Variants in NRG3 observed in about 807,000 individuals in gnomAD.
The protein encoded by NRG3 is neuregulin 3.
A neutral mutation model predicts 66.9 loss-of-function variants in NRG3; 31 were observed. The observed-to-expected ratio is 0.46, with a 90% CI of 0.35 to 0.63. The LOEUF (loss-of-function observed/expected upper bound fraction) is 0.63. NRG3 is among the 20% of genes least tolerant of loss of function. NRG3 has a pLI of 0.00. For synonymous variants in NRG3, 393 were observed against 359.4 expected (o/e 1.09, Z -1.06); for missense variants, 910 against 878.9 (o/e 1.04, Z -0.45).
At chr10:82,620,219 CG>C (rs2048949950) in intron 2 of NRG3, among the ~76,000 whole-genome samples, 1 of 152,146 alleles carries the variant, frequency 6.6e-6, no homozygotes, top group Non-Finnish European at 1.5e-5. Flanking sequence ...CTTGCCTTGT[CG>C]CGTGGGGCTG....
chr10:82,648,655 A>T (rs2051158221), intron 2 of NRG3, among the ~76,000 whole-genome samples: 1 of 152,112 alleles, frequency 6.6e-6, no homozygotes, highest in Non-Finnish European at 1.5e-5. Flanking sequence ...ATGTTCTTCC[A>T]TTTGTTTGTA....
At chr10:82,592,659 C>T (rs1443954964) in intron 2 of NRG3, among the ~76,000 whole-genome samples, 1 of 152,144 alleles carries the variant, frequency 6.6e-6, no homozygotes, top group African/African-American at 2.4e-5. Flanking sequence ...TGCCCACATT[C>T]AATGAAAATG....
rs147730298 is a variant in NRG3, at chr10:82,307,080, CAT to C, written c.824-51656_824-51655del. On this transcript the variant is annotated intron_variant, in intron 1 of 8. Transcript: ENST00000372141. ...TTTTGAAGAATACTCTGTGCATTTT[CAT>C]ATGTTTTGGGTGCTATTGTCAATTT... is the stretch of plus-strand genomic sequence containing the variant. 2.2e-4 allele frequency among the ~76,000 whole-genome samples: 33 copies of C among 152,058 alleles called. 1 individual carries two copies. In the East Asian group the frequency reaches 5.8e-3, roughly 27 times the overall value.
In NRG3 at chr10:82,613,105, A is replaced by G. The variant is rs1360678978; in HGVS notation, c.954-125472A>G. On this transcript the variant is annotated intron_variant, in intron 2 of 8. Transcript: ENST00000372141. ...TTACTCAGTAGATTACAAAAAAGAA[A>G]AATCTTGTATCCAATTAGAAATAAA... 3.3e-5 allele frequency among the ~76,000 whole-genome samples: 5 copies of G among 152,304 alleles called. No homozygotes were observed. The East Asian group carries it at 9.6e-4, about 29-fold the overall frequency.
At chr10:82,930,401 A>T (rs1436352361) in intron 4 of NRG3, among the ~76,000 whole-genome samples, 2 of 152,224 alleles carry the variant, frequency 1.3e-5, no homozygotes, top group African/African-American at 2.4e-5. Flanking sequence ...GAGACACTTC[A>T]GGGATAACGA....
At chr10:82,463,267 A>G (rs1429613450) in intron 2 of NRG3, among the ~76,000 whole-genome samples, 2 of 152,214 alleles carry the variant, frequency 1.3e-5, no homozygotes, top group Admixed American at 6.5e-5. Flanking sequence ...GAAGGATCAT[A>G]ATTCATTATA....
At chr10:82,638,822 T>G (rs1403859281) in intron 2 of NRG3, among the ~76,000 whole-genome samples, 3 of 152,064 alleles carry the variant, frequency 2.0e-5, no homozygotes, top group African/African-American at 7.2e-5. Flanking sequence ...AATTTGTGTA[T>G]TTTTAGTAGC....
chr10:82,601,612 A>C (rs2047634279), intron 2 of NRG3, among the ~76,000 whole-genome samples: 1 of 151,310 alleles, frequency 6.6e-6, no homozygotes, highest in South Asian at 2.1e-4. Context: ...TCAGAATTGG[A>C]CATTTGGATG....
At chr10:82,488,734 T>A (rs1842876266) in intron 2 of NRG3, among the ~76,000 whole-genome samples, 1 of 152,186 alleles carries the variant, frequency 6.6e-6, no homozygotes, top group Non-Finnish European at 1.5e-5. Flanking sequence ...AGGGATGGCA[T>A]GACCAGTTGG....
At position 82,336,809 on chromosome 10, in the gene NRG3, C is replaced by T. The variant is rs149548297; in HGVS notation, c.824-21930C>T. Among the ~76,000 whole-genome samples the T allele has an allele frequency of 9.2e-5, 14 of 152,242 alleles. No homozygotes were observed. The East Asian group carries it at 2.7e-3, about 29-fold the overall frequency. On this transcript the variant is annotated intron_variant, in intron 1 of 8. Coordinates refer to ENST00000372141, the MANE Select transcript of NRG3 (RefSeq NM_001010848.4). ...GCAGTATAATACATAGCTGTTATTT[C>T]TGCAAATGGAGAGATAAGAATTGGA...
chr10:82,042,935 A>G (rs1043180791), intron 1 of NRG3, among the ~76,000 whole-genome samples: 4 of 152,076 alleles, frequency 2.6e-5, no homozygotes, highest in African/African-American at 9.7e-5. Context: ...AACATTCGCA[A>G]AACATTTTAT....
intron 3 of NRG3, among the ~76,000 whole-genome samples, chr10:82,816,415 G>T (rs900731965): frequency 1.3e-5 from 2 of 152,202 alleles, no homozygotes; most frequent in African/African-American, 4.8e-5. Flanking sequence ...GCAGAGAGGA[G>T]ACCCAAAGTG....
At chr10:82,855,800 G>T (rs1297927181) in intron 3 of NRG3, among the ~76,000 whole-genome samples, 2 of 152,060 alleles carry the variant, frequency 1.3e-5, no homozygotes, top group East Asian at 3.9e-4. Context: ...TTAAATTGAT[G>T]TTGTTAAGGG....
chr10:82,402,451 G>A (rs1043171553), intron 2 of NRG3, among the ~76,000 whole-genome samples: 2 of 152,112 alleles, frequency 1.3e-5, no homozygotes, highest in African/African-American at 2.4e-5. Context: ...TTTGGTGTTT[G>A]TTTATTTATT....
intron 2 of NRG3, among the ~76,000 whole-genome samples, chr10:82,427,277 C>T (rs1043806485): frequency 3.3e-5 from 5 of 152,072 alleles, no homozygotes; most frequent in African/African-American, 9.7e-5. Flanking sequence ...AGGGGGAAAG[C>T]GCTCTATCTT....
At chr10:82,271,238 A>G (rs1288628267) in intron 1 of NRG3, among the ~76,000 whole-genome samples, 21 of 152,086 alleles carry the variant, frequency 1.4e-4, no homozygotes, top group Non-Finnish European at 7.4e-5. Context: ...GACTTCCATC[A>G]TGGAGAACTC....
intron 1 of NRG3, among the ~76,000 whole-genome samples, chr10:82,103,946 G>A (rs1005185412): frequency 6.7e-6 from 1 of 149,428 alleles, no homozygotes; most frequent in African/African-American, 2.4e-5. Context: ...CTTTCCCAGC[G>A]ATCTACTAGA....
chr10:82,618,817 T>C (rs929340160), intron 2 of NRG3, among the ~76,000 whole-genome samples: 10 of 152,110 alleles, frequency 6.6e-5, no homozygotes, highest in African/African-American at 2.4e-4. Context: ...GTATGAAAAG[T>C]ATGATATTAA....
At chr10:82,506,109 A>G (rs1844648128) in intron 2 of NRG3, among the ~76,000 whole-genome samples, 1 of 152,120 alleles carries the variant, frequency 6.6e-6, no homozygotes, top group African/African-American at 2.4e-5. Context: ...CTAGCGAGGC[A>G]TGGTGGCACG....
Sources: gnomAD v4.1 joint callset for allele counts (sites outside exome capture counted in the v4.1 genomes callset) on GRCh38, gnomAD v4.1.1 for gene constraint, MANE v1.5 for transcripts, NCBI Gene and HGNC (gene_info 2026-07-23, HGNC 2026-07-21) for gene names.